DMD: variants seen among roughly 807,000 people sequenced by gnomAD.
DMD encodes mutant dystrophin.
In DMD, 63 loss-of-function variants were observed where a neutral mutation model predicts 330.1. The ratio of observed to expected loss-of-function variants is 0.19; its 90% confidence interval spans 0.16 to 0.24. DMD has a LOEUF of 0.24. Among genes scored for constraint, DMD ranks in the 10% least tolerant of loss-of-function variants. The pLI is 1.00. For synonymous variants in DMD, 1,223 were observed against 959.8 expected, an observed-to-expected ratio of 1.27 and a Z score of -5.07; for missense variants, 3,344 against 2,684.1, an observed-to-expected ratio of 1.25 and a Z score of -5.43.
intron 59 of DMD, among the ~76,000 whole-genome samples, chrX:31,458,666 G>A (rs773437084): frequency 7.3e-5 from 8 of 110,231 alleles, no homozygotes; most frequent in Non-Finnish European, 1.3e-4. Flanking sequence ...ATCTGTGGGG[G>A]TGATGCTGCA....
At chrX:33,029,053 T>A (rs185198616) in intron 1 of DMD, among the ~76,000 whole-genome samples, 72 of 111,673 alleles carry the variant, frequency 6.4e-4, no homozygotes, top group Non-Finnish European at 1.1e-3. Context: ...GTTTGTTGAA[T>A]AAATCAAGTG....
intron 44 of DMD, among the ~76,000 whole-genome samples, chrX:32,071,496 C>A (rs1160311272): frequency 1.5e-5 from 1 of 68,607 alleles, no homozygotes; most frequent in Non-Finnish European, 2.6e-5. Flanking sequence ...CATCACACAC[C>A]GGGGCCTGTT....
intron 9 of DMD, among the ~76,000 whole-genome samples, chrX:32,694,684 T>A (rs6527221): frequency 9.0e-6 from 1 of 111,377 alleles, no homozygotes; most frequent in African/African-American, 3.3e-5. Flanking sequence ...GAGACAGAGT[T>A]TCACTCTTGT....
intron 17 of DMD, among the ~76,000 whole-genome samples, chrX:32,544,314 T>A (rs1047031084): frequency 8.9e-6 from 1 of 112,209 alleles, no homozygotes; most frequent in Non-Finnish European, 1.9e-5. Flanking sequence ...ATGGTATTTT[T>A]AGATGTGTGT....
intron 7 of DMD, among the ~76,000 whole-genome samples, chrX:32,740,029 C>T (rs2069030670): frequency 9.1e-6 from 1 of 109,711 alleles, no homozygotes; most frequent in African/African-American, 3.3e-5. Context: ...ACTCTGCCTA[C>T]TTGTACTTTG....
At chrX:31,586,856 C>T (rs1376012354) in intron 55 of DMD, among the ~76,000 whole-genome samples, 1 of 112,097 alleles carries the variant, frequency 8.9e-6, no homozygotes, top group African/African-American at 3.2e-5. Flanking sequence ...TGCATTTTAA[C>T]GCAGTGAGTA....
chrX:32,135,559 A>C (rs73456158), intron 44 of DMD, among the ~76,000 whole-genome samples: 2,524 of 111,428 alleles, frequency 0.023, 24 homozygotes, highest in Middle Eastern at 0.033. Flanking sequence ...CATCTCTAAA[A>C]AAAAATACAA....
intron 54 of DMD, among the ~76,000 whole-genome samples, chrX:31,628,159 C>T (rs2078948915): frequency 9.0e-6 from 1 of 111,279 alleles, no homozygotes; most frequent in Non-Finnish European, 1.9e-5. Flanking sequence ...AATATATATA[C>T]ATATATTTGA....
chrX:32,465,117 A>G (rs984946142), intron 23 of DMD, among the ~76,000 whole-genome samples: 1 of 111,985 alleles, frequency 8.9e-6, no homozygotes, highest in Admixed American at 9.5e-5. Context: ...TTCACAAATT[A>G]TTTTCTACAG....
rs753585013 is a variant in DMD at position 32,949,468 on chromosome X, TGAG to T, written c.93+70668_93+70670del. Among the ~76,000 whole-genome samples the T allele has an allele frequency of 1.1e-4, 12 of 109,933 alleles. No individual in the cohort carries two copies. The East Asian group carries it at 3.5e-3, about 32-fold the overall frequency. On this transcript the variant is annotated intron_variant, in intron 2 of 78. Transcript: ENST00000357033. Reference sequence around the variant, plus strand: ...AAAAACTGGCAAGCTTGCCTAAAAGTGAGGAGAATTATTAAGAAATAGTAAACT... The same window carrying T: ...AAAAACTGGCAAGCTTGCCTAAAAGTGAGAATTATTAAGAAATAGTAAACT...
chrX:31,435,462 T>C (rs1285508435), intron 60 of DMD: 1 of 111,987 alleles, frequency 8.9e-6, no homozygotes, highest in African/African-American at 3.2e-5. Context: ...ATCACAGTGA[T>C]CATTATATTA....
At chrX:32,315,193 G>A (rs112511676) in intron 41 of DMD, among the ~76,000 whole-genome samples, 5,876 of 111,398 alleles carry the variant, frequency 0.053, 386 homozygotes, top group African/African-American at 0.18. Context: ...TACACCATGG[G>A]ACACTATGCA....
chrX:33,250,934 C>A (rs911350677), intron 1 of DMD, among the ~76,000 whole-genome samples: 8 of 110,563 alleles, frequency 7.2e-5, no homozygotes, highest in Non-Finnish European at 1.1e-4. Flanking sequence ...GCATAGATAA[C>A]CCTAAGAATG....
chrX:32,318,631 T>C (rs1334453174), intron 41 of DMD, among the ~76,000 whole-genome samples: 1 of 111,143 alleles, frequency 9.0e-6, no homozygotes, highest in Admixed American at 9.6e-5. Context: ...TGTGAAGCTA[T>C]GTAACCAAAA....
Position 32,380,634 on chromosome X carries a change from C to T in DMD, c.4721G>A (p.Arg1574His), listed in dbSNP as rs755206033. 6.0e-5 allele frequency: 73 copies of T among 1,207,129 alleles called. No homozygotes were observed. Among genetic ancestry groups the T allele is most frequent in the African/African-American group, 1.6e-4 (9 of 56,998 alleles). Residue 1574 changes from arginine (R) to histidine (H), a missense_variant, in exon 34 of 79, where the codon CGT becomes CAT. Physicochemically the swap from Arg to His is conservative, Grantham distance 29. Transcript: ENST00000357033. ...QQLEKCLKLS[R>H]KMRKEMNVLT... ...GACATTCATTTCCTTTCGCATCTTA[C>T]GGGACAATTTCAAGCATTTCTCCAA...
At chrX:32,678,585 C>T (rs2062135002) in intron 9 of DMD, among the ~76,000 whole-genome samples, 1 of 110,654 alleles carries the variant, frequency 9.0e-6, no homozygotes, top group Admixed American at 9.7e-5. Context: ...CTCCTAAAAT[C>T]AAAGGGCAAC....
At chrX:32,815,414 G>T (rs1025930867) in intron 6 of DMD, among the ~76,000 whole-genome samples, 1 of 103,781 alleles carries the variant, frequency 9.6e-6, no homozygotes, top group African/African-American at 3.5e-5. Flanking sequence ...TTTAGCCCTG[G>T]GTTGGGTAAA....
intron 1 of DMD, among the ~76,000 whole-genome samples, chrX:33,287,966 C>T (rs1205948226): frequency 9.0e-6 from 1 of 111,645 alleles, no homozygotes; most frequent in Non-Finnish European, 1.9e-5. Context: ...AGTGCCACTA[C>T]CCTTGTCAAA....
chrX:33,119,259 C>T lies in DMD; in HGVS notation c.31+92023G>A, dbSNP rs965020674. On this transcript the variant is annotated intron_variant, in intron 1 of 78. Coordinates refer to ENST00000357033, the MANE Select transcript of DMD (RefSeq NM_004006.3). ...TGTTTTATATATATATATACACACA[C>T]ACACATATAAAATGAGCTCAAGGAA... 2.7e-4 allele frequency among the ~76,000 whole-genome samples: 30 copies of T among 112,162 alleles called. 1 individual carries two copies. The highest frequency in any genetic ancestry group is 4.9e-4 in the Non-Finnish European group (26 of 53,292).
Sources: allele counts gnomAD v4.1 joint callset (sites outside exome capture counted in the v4.1 genomes callset), GRCh38; gene constraint gnomAD v4.1.1; transcripts MANE v1.5; gene names NCBI Gene and HGNC (gene_info 2026-07-23, HGNC 2026-07-21).